SUCO: variants seen among roughly 807,000 people sequenced by gnomAD.
SUCO encodes the protein SUN domain containing ossification factor.
SUCO carries 57 observed loss-of-function variants against 148.1 expected under a neutral mutation model. The ratio of observed to expected loss-of-function variants is 0.38; its 90% CI spans 0.31 to 0.48. SUCO has a LOEUF of 0.48. SUCO is among the 20% of genes least tolerant of loss of function. The pLI is 0.96. For missense variants in SUCO, 1,331 were observed against 1,468.2 expected, an observed-to-expected ratio of 0.91 and a Z score of 1.53; for synonymous variants, 470 against 502.7, an observed-to-expected ratio of 0.93 and a Z score of 0.87.
chr1:172,554,420 C>A (rs756675337), intron 3 of SUCO, among the ~76,000 whole-genome samples: 1 of 152,142 alleles, frequency 6.6e-6, no homozygotes, highest in Non-Finnish European at 1.5e-5. Context: ...ACTTGAAATG[C>A]GGCTAGTCCA....
At position 172,577,400 on chromosome 1, in the gene SUCO, A is replaced by C. The variant is rs576535403; in HGVS notation, c.1264-139A>C. ...GCTTTTATTTCTGCAAGGAATTAAGAATACTACAGTGTTATCCATCACATG... is the reference window on the plus strand; with the variant it reads ...GCTTTTATTTCTGCAAGGAATTAAGCATACTACAGTGTTATCCATCACATG... On this transcript the variant is annotated intron_variant, in intron 11 of 23. Coordinates refer to ENST00000263688, the MANE Select transcript of SUCO (RefSeq NM_014283.5). 9 of 761,940 alleles carry C rather than the reference A, an allele frequency of 1.2e-5. No homozygotes were observed. The East Asian group carries it at 2.3e-4, about 19-fold the overall frequency. The allele number at this position is 761,940 out of a possible 1,614,324, so 47.2% of individuals were successfully genotyped here.
At chr1:172,547,723 GAGA>G (rs1361624189) in intron 1 of SUCO, among the ~76,000 whole-genome samples, 18 of 152,256 alleles carry the variant, frequency 1.2e-4, no homozygotes, top group African/African-American at 4.3e-4. Flanking sequence ...TTCTGTACTG[GAGA>G]AAGGAATTCT....
At chr1:172,532,891 G>T (rs1444666942), upstream of SUCO, 7 of 1,460,984 alleles carry the variant, frequency 4.8e-6, no homozygotes, top group Non-Finnish European at 6.4e-6. Flanking sequence ...TGGGGCGGGC[G>T]GAGCGGCGAG....
chr1:172,574,864 T>C (rs1239515483), intron 10 of SUCO: 17 of 985,050 alleles, frequency 1.7e-5, no homozygotes, highest in Non-Finnish European at 2.0e-5. Context: ...TCTCAAGACC[T>C]CTTGAGAATT....
At chr1:172,562,859 G>A (rs1241616469) in intron 6 of SUCO, among the ~76,000 whole-genome samples, 1 of 152,092 alleles carries the variant, frequency 6.6e-6, no homozygotes, top group Non-Finnish European at 1.5e-5. Flanking sequence ...TTAGAGGAGC[G>A]GCCAGATGGG....
intron 3 of SUCO, among the ~76,000 whole-genome samples, chr1:172,554,928 T>A (rs1571201787): frequency 6.6e-6 from 1 of 152,192 alleles, no homozygotes; most frequent in East Asian, 1.9e-4. Flanking sequence ...ATGATCATAC[T>A]TTATATTCTC....
At chr1:172,571,740 A>C (rs1438999797) in intron 9 of SUCO, among the ~76,000 whole-genome samples, 1 of 35,796 alleles carries the variant, frequency 2.8e-5, no homozygotes, top group Non-Finnish European at 5.1e-5. Context: ...GAGCGCCTCT[A>C]CCCGGGCGCG....
At chr1:172,575,412 C>T (rs554832738) in intron 10 of SUCO, 106 bp from the exon 11 acceptor site, 9 of 683,278 alleles carry the variant, frequency 1.3e-5, no homozygotes, top group South Asian at 4.0e-5. Flanking sequence ...GTTAAGTCAG[C>T]GTGTTCACCT....
intron 1 of SUCO, among the ~76,000 whole-genome samples, chr1:172,544,766 A>T (rs1382217881): frequency 6.6e-6 from 1 of 152,164 alleles, no homozygotes. Flanking sequence ...AATTTTAGAG[A>T]TTTTTAAATA....
chr1:172,599,030 A>G (rs945025113), intron 19 of SUCO, among the ~76,000 whole-genome samples: 14 of 152,222 alleles, frequency 9.2e-5, no homozygotes, highest in Non-Finnish European at 1.6e-4. Context: ...ATAGCTATGT[A>G]GATATTTCAT....
intron 19 of SUCO, among the ~76,000 whole-genome samples, chr1:172,594,963 T>C (rs1187356548): frequency 6.6e-6 from 1 of 152,214 alleles, no homozygotes; most frequent in Admixed American, 6.5e-5. Flanking sequence ...ATCTGGGTGC[T>C]CCTGTATTGG....
chr1:172,548,412 A>G (rs192960679), intron 1 of SUCO, among the ~76,000 whole-genome samples: 3 of 151,850 alleles, frequency 2.0e-5, no homozygotes, highest in African/African-American at 4.8e-5. Context: ...TTTGTTCTCT[A>G]TTTTAGCAAT....
chr1:172,603,364 T>G (rs1330212546), intron 22 of SUCO, among the ~76,000 whole-genome samples: 1 of 152,100 alleles, frequency 6.6e-6, no homozygotes, highest in Non-Finnish European at 1.5e-5. Flanking sequence ...AAATTTGTTT[T>G]CATACTAATA....
intron 6 of SUCO, among the ~76,000 whole-genome samples, chr1:172,560,619 G>T (rs1453125985): frequency 6.6e-6 from 1 of 152,146 alleles, no homozygotes; most frequent in Non-Finnish European, 1.5e-5. Context: ...CCTGATTCCT[G>T]CCAGAATTAA....
chr1:172,600,225 G>A, intron 20 of SUCO, 57 bp downstream of exon 20: 1 of 1,241,100 alleles, frequency 8.1e-7, no homozygotes, highest in Non-Finnish European at 1.1e-6. Context: ...TTGTCATAAA[G>A]CCAGGCTTGT....
At chr1:172,594,735 G>A (rs377647474) in intron 19 of SUCO, among the ~76,000 whole-genome samples, 39 of 152,258 alleles carry the variant, frequency 2.6e-4, no homozygotes, top group African/African-American at 8.9e-4. Context: ...TTGTGGTGCC[G>A]AAAAGAATGT....
Position 172,557,665 on chromosome 1 carries a change from A to C in SUCO, c.603A>C (p.Glu201Asp). The C allele has an allele frequency of 6.2e-7, 1 of 1,602,838 alleles. No individual in the cohort carries two copies. The highest frequency in any genetic ancestry group is 8.5e-7 in the Non-Finnish European group (1 of 1,176,882). Residue 201 changes from glutamate (E) to aspartate (D), a missense_variant, in exon 6 of 24, where the codon GAA becomes GAC. Around this residue, in one of 3 missense-constraint regions of SUCO, gnomAD observed 992 missense variants for 1,093.5 expected, o/e 0.91. Transcript: ENST00000263688. ...PPDSLVGQHIENVSSSHGKGK... is the reference protein window; with the variant it reads ...PPDSLVGQHIDNVSSSHGKGK... The stretch of plus-strand genomic sequence containing the variant: ...ACAGCCTTGTTGGCCAGCATATAGA[A>C]AATGTATCATCTTCACATGGTAAAG...
intron 1 of SUCO, among the ~76,000 whole-genome samples, chr1:172,536,725 G>T (rs1652047492): frequency 6.6e-6 from 1 of 152,160 alleles, no homozygotes; most frequent in African/African-American, 2.4e-5. Flanking sequence ...GTCTCACAGG[G>T]CTAAATAAAG....
Position 172,602,227 on chromosome 1 carries a change from A to T in SUCO, c.3173+9A>T, listed in dbSNP as rs1657576965. Reference sequence around the variant, plus strand: ...TATCCAAGCCCTAAAAGGTAATATCAGCATTATATTTCACAATTTTATTTT... The same window carrying T: ...TATCCAAGCCCTAAAAGGTAATATCTGCATTATATTTCACAATTTTATTTT... On this transcript the variant is annotated intron_variant, in intron 21 of 23. Coordinates refer to ENST00000263688, the MANE Select transcript of SUCO (RefSeq NM_014283.5). 2 of 1,577,408 alleles carry T rather than the reference A, an allele frequency of 1.3e-6. No individual in the cohort carries two copies. The highest frequency in any genetic ancestry group is 1.7e-6 in the Non-Finnish European group (2 of 1,162,468).
Sources: allele counts gnomAD v4.1 joint callset (sites outside exome capture counted in the v4.1 genomes callset), GRCh38; gene constraint gnomAD v4.1.1; regional missense constraint gnomAD v4.1.1; transcripts MANE v1.5; gene names NCBI Gene and HGNC (gene_info 2026-07-23, HGNC 2026-07-21).